The following KDM4C variants were observed in gnomAD, a reference collection of about 807,000 sequenced individuals.
KDM4C encodes the protein lysine-specific demethylase 4C.
KDM4C carries 81 observed loss-of-function variants against 129.3 expected under a neutral mutation model. The observed-to-expected ratio is 0.63, with a 90% CI of 0.52 to 0.75. The LOEUF (loss-of-function observed/expected upper bound fraction) is 0.75, where lower values mean the gene tolerates loss of function less well. KDM4C is among the 30% of genes least tolerant of loss of function. The pLI is 0.00. For missense variants in KDM4C, 1,457 were observed against 1,304.0 expected, an observed-to-expected ratio of 1.12 and a Z score of -1.81; for synonymous variants, 573 against 456.1, an observed-to-expected ratio of 1.26 and a Z score of -3.26.
chr9:6,744,900 G>A (rs774232594), intron 1 of KDM4C, among the ~76,000 whole-genome samples: 3 of 152,102 alleles, frequency 2.0e-5, no homozygotes, highest in Non-Finnish European at 4.4e-5. Context: ...AGAGAGCTAG[G>A]TGGGGCTAAT....
chr9:6,900,434 G>T (rs963489786), intron 8 of KDM4C, among the ~76,000 whole-genome samples: 1 of 152,256 alleles, frequency 6.6e-6, no homozygotes, highest in Non-Finnish European at 1.5e-5. Context: ...CCACCAAGTG[G>T]CTTTGGACTC....
At chr9:7,027,460 C>T (rs1020800340) in intron 15 of KDM4C, among the ~76,000 whole-genome samples, 2 of 152,138 alleles carry the variant, frequency 1.3e-5, no homozygotes, top group Non-Finnish European at 2.9e-5. Context: ...TTGTTCTGAG[C>T]CATGTGGAGC....
intron 9 of KDM4C, among the ~76,000 whole-genome samples, chr9:6,983,836 C>G (rs566617974): frequency 6.6e-6 from 1 of 152,078 alleles, no homozygotes; most frequent in South Asian, 2.1e-4. Flanking sequence ...GATTTTATTT[C>G]TGTCTCATTT....
At chr9:6,928,212 C>A (rs1370920038) in intron 8 of KDM4C, among the ~76,000 whole-genome samples, 2 of 152,228 alleles carry the variant, frequency 1.3e-5, no homozygotes, top group Non-Finnish European at 2.9e-5. Flanking sequence ...ACACTATACT[C>A]ACCTTGTTTT....
At chr9:6,787,776 C>T (rs1211064581) in intron 1 of KDM4C, among the ~76,000 whole-genome samples, 1 of 152,172 alleles carries the variant, frequency 6.6e-6, no homozygotes, top group Admixed American at 6.5e-5. Context: ...AATATGTGAG[C>T]CAGCTCATTT....
At chr9:6,753,021 A>T (rs746643974), upstream of KDM4C, among the ~76,000 whole-genome samples, 1 of 152,192 alleles carries the variant, frequency 6.6e-6, no homozygotes, top group Non-Finnish European at 1.5e-5. Context: ...CTGAGGAGTC[A>T]GAAATAGCAG....
intron 11 of KDM4C, among the ~76,000 whole-genome samples, chr9:6,987,672 G>A (rs1817965307): frequency 6.6e-6 from 1 of 152,042 alleles, no homozygotes; most frequent in African/African-American, 2.4e-5. Flanking sequence ...CGTCTTATCA[G>A]TCTTAAAATG....
chr9:6,858,224 G>T (rs1840240518), intron 5 of KDM4C, among the ~76,000 whole-genome samples: 1 of 151,420 alleles, frequency 6.6e-6, no homozygotes, highest in African/African-American at 2.4e-5. Context: ...ACCTGCTTTT[G>T]CTTATTTTGT....
intron 15 of KDM4C, among the ~76,000 whole-genome samples, chr9:7,038,080 G>C (rs538070313): frequency 6.6e-6 from 1 of 152,156 alleles, no homozygotes; most frequent in East Asian, 1.9e-4. Context: ...TACACTGAAA[G>C]AGTCTGGAAG....
intron 21 of KDM4C, among the ~76,000 whole-genome samples, chr9:7,173,026 CACTT>C (rs1204322818): frequency 3.9e-5 from 6 of 152,248 alleles, no homozygotes; most frequent in Non-Finnish European, 7.3e-5. Flanking sequence ...ACTCAGCAAA[CACTT>C]ACTGAACAGC....
intron 19 of KDM4C, among the ~76,000 whole-genome samples, chr9:7,158,319 AT>A (rs150307536): frequency 0.098 from 14,567 of 147,956 alleles, 1,269 homozygotes; most frequent in East Asian, 0.41. Context: ...GGATTCATTG[AT>A]TTTTTTTTTT....
intron 5 of KDM4C, among the ~76,000 whole-genome samples, chr9:6,855,012 A>G (rs779117199): frequency 6.6e-6 from 1 of 152,256 alleles, no homozygotes; most frequent in African/African-American, 2.4e-5. Context: ...ATAACATGCT[A>G]TGTACAAAGT....
intron 15 of KDM4C, among the ~76,000 whole-genome samples, chr9:7,029,316 A>G (rs1326164846): frequency 2.9e-5 from 4 of 137,486 alleles, no homozygotes; most frequent in Admixed American, 2.2e-4. Context: ...TTTTTTGCCT[A>G]TACTGAAAAT....
chr9:7,022,010 C>A (rs550984224), intron 15 of KDM4C, among the ~76,000 whole-genome samples: 1 of 152,164 alleles, frequency 6.6e-6, no homozygotes, highest in Non-Finnish European at 1.5e-5. Context: ...TTCCACTGAT[C>A]TAAGTGTCTG....
intron 15 of KDM4C, among the ~76,000 whole-genome samples, chr9:7,026,402 A>G (rs1253902571): frequency 6.6e-6 from 1 of 151,864 alleles, no homozygotes; most frequent in Non-Finnish European, 1.5e-5. Flanking sequence ...ATATGTCATG[A>G]CACTCTCTCC....
intron 3 of KDM4C, among the ~76,000 whole-genome samples, chr9:6,811,898 C>T (rs1022771476): frequency 6.6e-6 from 1 of 152,102 alleles, no homozygotes; most frequent in Non-Finnish European, 1.5e-5. Flanking sequence ...GGCAAATTTA[C>T]ACTGGATTTG....
At chr9:6,763,624 A>G (rs1563950747) in intron 1 of KDM4C, among the ~76,000 whole-genome samples, 1 of 152,160 alleles carries the variant, frequency 6.6e-6, no homozygotes, top group South Asian at 2.1e-4. Context: ...ATTTTCTCCT[A>G]TGAATCAGTG....
upstream of KDM4C, chr9:6,757,595 G>C: frequency 1.0e-6 from 1 of 981,896 alleles, no homozygotes; most frequent in African/African-American, 1.7e-5. Context: ...TACATTCCGA[G>C]GCTCCACCCC....
chr9:7,111,509 A>G (rs1838315415), intron 18 of KDM4C, among the ~76,000 whole-genome samples: 1 of 152,156 alleles, frequency 6.6e-6, no homozygotes, highest in African/African-American at 2.4e-5. Flanking sequence ...GAGTGAGTTT[A>G]CGTTTATATA....
Sources: gnomAD v4.1 joint callset for allele counts (sites outside exome capture counted in the v4.1 genomes callset) on GRCh38, gnomAD v4.1.1 for gene constraint, MANE v1.5 for transcripts, NCBI Gene and HGNC (gene_info 2026-07-23, HGNC 2026-07-21) for gene names.